PPP2R5C: variants seen among roughly 807,000 people sequenced by gnomAD.
The protein encoded by PPP2R5C is protein phosphatase 2 regulatory subunit B'gamma.
In PPP2R5C, 7 loss-of-function variants were observed where a neutral mutation model predicts 68.9. The ratio of observed to expected loss-of-function variants is 0.10; its 90% CI spans 0.06 to 0.19. The LOEUF is 0.19. Among genes scored for constraint, PPP2R5C ranks in the 10% least tolerant of loss-of-function variants. The probability of loss-of-function intolerance (pLI) is 1.00; values close to 1 mark genes in which losing one functional copy is unlikely to be tolerated. For synonymous variants in PPP2R5C, 210 were observed against 222.2 expected (o/e 0.95, Z 0.49); for missense variants, 348 against 641.3 (o/e 0.54, Z 4.94).
intron 2 of PPP2R5C, among the ~76,000 whole-genome samples, chr14:101,859,598 G>T (rs1378493315): frequency 6.6e-6 from 1 of 152,216 alleles, no homozygotes; most frequent in East Asian, 1.9e-4. Context: ...AGAGGGCATT[G>T]ATGAGAAGTA....
At chr14:101,874,580 CAAAA>C (rs756419686) in intron 2 of PPP2R5C, among the ~76,000 whole-genome samples, 4 of 152,064 alleles carry the variant, frequency 2.6e-5, no homozygotes, top group Non-Finnish European at 5.9e-5. Flanking sequence ...ATTCTAAACT[CAAAA>C]AATATAAACT....
At chr14:101,774,335 G>C (rs2037307154) in intron 2 of PPP2R5C, among the ~76,000 whole-genome samples, 1 of 152,194 alleles carries the variant, frequency 6.6e-6, no homozygotes, top group Non-Finnish European at 1.5e-5. Flanking sequence ...GTTTTTCCTA[G>C]ACAGACTGGT....
intron 6 of PPP2R5C, among the ~76,000 whole-genome samples, chr14:101,892,064 C>A (rs2044968598): frequency 6.6e-6 from 1 of 152,152 alleles, no homozygotes. Context: ...TCAAGCAATT[C>A]TCTGCCTCAG....
At chr14:101,774,645 G>T (rs191584391) in intron 2 of PPP2R5C, among the ~76,000 whole-genome samples, 77 of 152,282 alleles carry the variant, frequency 5.1e-4, no homozygotes, top group Admixed American at 6.5e-4. Flanking sequence ...ACCAGTGACT[G>T]CCTCCGCAAA....
chr14:101,812,339 G>T (rs1478252196), intron 1 of PPP2R5C, among the ~76,000 whole-genome samples: 2 of 152,158 alleles, frequency 1.3e-5, no homozygotes, highest in East Asian at 3.9e-4. Context: ...GGAGAGCAGG[G>T]GCTGGTGTCA....
intron 1 of PPP2R5C, among the ~76,000 whole-genome samples, chr14:101,847,270 A>T (rs188301957): frequency 3.4e-4 from 52 of 152,356 alleles, no homozygotes; most frequent in African/African-American, 1.3e-3. Context: ...ATAAATTATT[A>T]TCAATTGTTC....
chr14:101,786,253 T>G, intron 3 of PPP2R5C, 70 bp downstream of exon 3: 1 of 1,331,748 alleles, frequency 7.5e-7, no homozygotes, highest in Non-Finnish European at 1.0e-6. Flanking sequence ...TTTGATAGTG[T>G]GCTAATTTAT....
intron 1 of PPP2R5C, chr14:101,836,639 T>A: frequency 2.2e-6 from 1 of 454,594 alleles, no homozygotes; most frequent in South Asian, 3.7e-5. Flanking sequence ...ATAATTTCAG[T>A]TACATTTACC....
rs140796056 is a variant in PPP2R5C at position 101,915,371 on chromosome 14, C to T, written c.1327-2460C>T. Among the ~76,000 whole-genome samples, 108 of 152,286 alleles carry T rather than the reference C, an allele frequency of 7.1e-4. 1 individual carries two copies. Among genetic ancestry groups the T allele is most frequent in the Admixed American group, 2.7e-3 (41 of 15,300 alleles). On this transcript the variant is annotated intron_variant, in intron 12 of 13. Coordinates refer to ENST00000334743, the Ensembl canonical transcript of PPP2R5C. The surrounding 1 kb of genome is among the most constrained non-coding windows in gnomAD (Gnocchi z 4.2). ...CTGGGATTACAGGTGTGAGCCACCGCACCTGGCCTTCAGTGAAGGTTTTTA... is the reference window on the plus strand; with the variant it reads ...CTGGGATTACAGGTGTGAGCCACCGTACCTGGCCTTCAGTGAAGGTTTTTA...
At chr14:101,762,049 C>G in intron 1 of PPP2R5C, 129 bp downstream of exon 1, 2 of 957,414 alleles carry the variant, frequency 2.1e-6, no homozygotes, top group Admixed American at 1.1e-4. Context: ...CTTCGCGTCC[C>G]CGAGGGCGGC....
chr14:101,830,878 C>G (rs8016207), intron 1 of PPP2R5C, among the ~76,000 whole-genome samples: 30,484 of 152,098 alleles, frequency 0.2, 3,226 homozygotes, highest in African/African-American at 0.27. Flanking sequence ...TGTCACTAAG[C>G]GGGTGAGAGG....
At chr14:101,903,089 C>T (rs2045799985) in intron 9 of PPP2R5C, among the ~76,000 whole-genome samples, 1 of 148,702 alleles carries the variant, frequency 6.7e-6, no homozygotes, top group African/African-American at 2.5e-5. Flanking sequence ...AGTGTGAGCA[C>T]TTTGCACAAA....
exon 14 of PPP2R5C, chr14:101,925,228 G>A (rs779420487): frequency 6.2e-7 from 1 of 1,613,830 alleles, no homozygotes; most frequent in Non-Finnish European, 8.5e-7. Context: ...AGCCTTGGAA[G>A]CTCACTGCAG....
intron 11 of PPP2R5C, 149 bp downstream of exon 13, chr14:101,909,839 TATA>T (rs1479666879): frequency 2.2e-6 from 1 of 463,536 alleles, no homozygotes; most frequent in Non-Finnish European, 3.7e-6. Context: ...AAAACTGTGT[TATA>T]ATAACGTATT....
Position 101,877,072 on chromosome 14 carries a change from C to T in PPP2R5C, c.295-5089C>T, listed in dbSNP as rs2043831394. 2.6e-5 allele frequency among the ~76,000 whole-genome samples: 4 copies of T among 151,408 alleles called. No individual in the cohort carries two copies. The highest frequency in any genetic ancestry group is 2.6e-4 in the Admixed American group (4 of 15,192). ...CAAGTGATTCTCCTGCCTCAGCCTC[C>T]CGAGTAGCTGGGATTACAGGCACCC... On this transcript the variant is annotated intron_variant, in intron 2 of 13. Transcript: ENST00000334743. This position sits in a 1 kb window ranked among gnomAD's most constrained non-coding sequence, Gnocchi z 4.2.
At chr14:101,903,488 G>A (rs1566956149) in intron 9 of PPP2R5C, among the ~76,000 whole-genome samples, 1 of 152,182 alleles carries the variant, frequency 6.6e-6, no homozygotes, top group Non-Finnish European at 1.5e-5. Flanking sequence ...CCTCTGATGA[G>A]GGAGTTCAGT....
At position 101,835,171 on chromosome 14, in the gene PPP2R5C, G is replaced by C. The variant is rs1486079170; in HGVS notation, c.95-21515G>C. 6.6e-6 allele frequency among the ~76,000 whole-genome samples: 1 copy of C among 152,232 alleles called. No homozygotes were observed. Among genetic ancestry groups the C allele is most frequent in the East Asian group, 1.9e-4 (1 of 5,192 alleles). On this transcript the variant is annotated intron_variant, in intron 1 of 13. Transcript: ENST00000334743. This position sits in a 1 kb window ranked among gnomAD's most constrained non-coding sequence, Gnocchi z 5.0. Reference sequence around the variant, plus strand: ...GGCTGGACACTGGGCTGCTCCTCATGGCGGTGGGAGCATGGGCTGCTCAGC... The same window carrying C: ...GGCTGGACACTGGGCTGCTCCTCATCGCGGTGGGAGCATGGGCTGCTCAGC...
At chr14:101,919,969 C>CCAAAAAAAAAAAAA (rs775818748) in intron 13 of PPP2R5C, among the ~76,000 whole-genome samples, 15 of 52,876 alleles carry the variant, frequency 2.8e-4, no homozygotes, top group East Asian at 1.2e-3. Flanking sequence ...AACTCCGTCT[C>CCAAAAAAAAAAAAA]AAAAAAAAAA....
chr14:101,875,664 C>G (rs2043718302), intron 2 of PPP2R5C, among the ~76,000 whole-genome samples: 1 of 152,172 alleles, frequency 6.6e-6, no homozygotes. Flanking sequence ...TTCAAACTCA[C>G]TTTACAAATG....
Sources: allele counts gnomAD v4.1 joint callset (sites outside exome capture counted in the v4.1 genomes callset), GRCh38; gene constraint gnomAD v4.1.1; non-coding constraint Gnocchi (gnomAD v3.1); transcripts MANE v1.5; gene names NCBI Gene and HGNC (gene_info 2026-07-23, HGNC 2026-07-21).